Variants in LPP observed in about 807,000 individuals in gnomAD.
LPP encodes lipoma-preferred partner.
A neutral mutation model predicts 60.4 loss-of-function variants in LPP; 38 were observed. The ratio of observed to expected loss-of-function variants is 0.63; its 90% CI spans 0.49 to 0.83. The LOEUF is 0.83. Ranked by LOEUF, LPP falls within the 40% of genes least tolerant of loss-of-function variation. The pLI is 0.00. For synonymous variants in LPP, 328 were observed against 290.8 expected, an observed-to-expected ratio of 1.13 and a Z score of -1.30; for missense variants, 902 against 783.6, an observed-to-expected ratio of 1.15 and a Z score of -1.80.
chr3:188,440,796 A>G (rs746924332), intron 4 of LPP, among the ~76,000 whole-genome samples: 4 of 152,200 alleles, frequency 2.6e-5, no homozygotes, highest in Non-Finnish European at 5.9e-5. Context: ...GTCAGGCAGA[A>G]TGACCTTTAC....
intron 5 of LPP, among the ~76,000 whole-genome samples, chr3:188,487,759 T>C (rs1229051429): frequency 6.6e-6 from 1 of 152,128 alleles, no homozygotes; most frequent in Non-Finnish European, 1.5e-5. Context: ...TGGAGAAAAT[T>C]CTGCGCAGTT....
chr3:188,309,715 T>A (rs1307645808), intron 2 of LPP, among the ~76,000 whole-genome samples: 2 of 152,118 alleles, frequency 1.3e-5, no homozygotes, highest in African/African-American at 4.8e-5. Context: ...TCATGAAAAG[T>A]GTCATGAGTG....
At chr3:188,495,184 A>ATT (rs1485747041) in intron 5 of LPP, among the ~76,000 whole-genome samples, 1 of 5,820 alleles carries the variant, frequency 1.7e-4, no homozygotes. Flanking sequence ...ATAAATATAT[A>ATT]ATATATATAT....
At chr3:188,768,919 T>A (rs1344657129) in intron 9 of LPP, among the ~76,000 whole-genome samples, 2 of 152,176 alleles carry the variant, frequency 1.3e-5, no homozygotes, top group Non-Finnish European at 2.9e-5. Flanking sequence ...GGGAGACTTT[T>A]CCACTCAACA....
intron 2 of LPP, among the ~76,000 whole-genome samples, chr3:188,301,435 A>G (rs976257197): frequency 1.3e-5 from 2 of 152,196 alleles, no homozygotes; most frequent in African/African-American, 4.8e-5. Context: ...CTGTGATGCT[A>G]ATCAGGATGT....
At chr3:188,389,597 G>A (rs966177403) in intron 3 of LPP, among the ~76,000 whole-genome samples, 23 of 151,988 alleles carry the variant, frequency 1.5e-4, no homozygotes, top group African/African-American at 4.8e-4. Flanking sequence ...CCAATGTGGC[G>A]AAACGCCATC....
chr3:188,153,709 C>T (rs1715156609), upstream of LPP: 1 of 152,378 alleles, frequency 6.6e-6, no homozygotes, highest in Admixed American at 6.5e-5. Context: ...GGTTTCCCCT[C>T]CCCCGCCAGG....
intron 9 of LPP, among the ~76,000 whole-genome samples, chr3:188,819,120 G>T (rs961211766): frequency 1.2e-4 from 18 of 151,246 alleles, no homozygotes; most frequent in Non-Finnish European, 2.7e-4. Flanking sequence ...TATTTGATTA[G>T]TCAGGTCTTA....
intron 7 of LPP, among the ~76,000 whole-genome samples, chr3:188,612,649 C>T (rs567029540): frequency 6.4e-4 from 98 of 152,252 alleles, no homozygotes; most frequent in Non-Finnish European, 8.8e-4. Flanking sequence ...GCTTTCCACT[C>T]GCTTTCATTT....
intron 5 of LPP, among the ~76,000 whole-genome samples, chr3:188,487,770 T>G (rs1807015187): frequency 6.6e-6 from 1 of 152,176 alleles, no homozygotes; most frequent in Non-Finnish European, 1.5e-5. Flanking sequence ...CTGCGCAGTT[T>G]CCTCTCGGCT....
intron 4 of LPP, among the ~76,000 whole-genome samples, chr3:188,437,170 T>A (rs533449579): frequency 6.6e-6 from 1 of 152,226 alleles, no homozygotes; most frequent in African/African-American, 2.4e-5. Context: ...CTTTCCTAAA[T>A]AACACTTGAT....
intron 6 of LPP, among the ~76,000 whole-genome samples, chr3:188,582,497 T>C (rs1445257431): frequency 1.3e-5 from 2 of 151,964 alleles, no homozygotes; most frequent in Non-Finnish European, 2.9e-5. Context: ...GTTGTTTTCC[T>C]TTGGTGGGGC....
chr3:188,309,527 G>A (rs1752714018), intron 2 of LPP, among the ~76,000 whole-genome samples: 1 of 152,194 alleles, frequency 6.6e-6, no homozygotes, highest in Non-Finnish European at 1.5e-5. Context: ...AACAAAGGTT[G>A]AGAGGTCCTT....
chr3:188,592,551 G>GTTTTTTT (rs1553936326), intron 6 of LPP, among the ~76,000 whole-genome samples: 2,554 of 97,010 alleles, frequency 0.026, 109 homozygotes, highest in South Asian at 0.053. Flanking sequence ...TTTTAGTTTT[G>GTTTTTTT]TTTTTGTTTT....
Position 188,825,269 on chromosome 3 carries a change from C to CTGTG in LPP, c.1411-40887_1411-40884dup, listed in dbSNP as rs3057956. On this transcript the variant is annotated intron_variant, in intron 9 of 11. Transcript: ENST00000617246. The stretch of plus-strand genomic sequence containing the variant: ...TCTTTCTCTCTCTCTCTCTCTCTCT[C>CTGTG]TGTGTGTGTGTGTGTGTGTGTGTGT... Among the ~76,000 whole-genome samples the CTGTG allele has an allele frequency of 9.9e-3, 1,006 of 101,742 alleles. 19 individuals carry two copies. Among genetic ancestry groups the CTGTG allele is most frequent in the Middle Eastern group, 0.016 (3 of 182 alleles). 66.7% of individuals were successfully genotyped at this position (101,742 alleles called of 152,430 possible).
At chr3:188,825,636 A>T (rs1755267778) in intron 9 of LPP, among the ~76,000 whole-genome samples, 1 of 151,592 alleles carries the variant, frequency 6.6e-6, no homozygotes, top group Admixed American at 6.6e-5. Flanking sequence ...GCACCTCGAA[A>T]ACTCCCCTCC....
intron 8 of LPP, among the ~76,000 whole-genome samples, chr3:188,727,417 T>C (rs1465615424): frequency 6.6e-6 from 1 of 152,316 alleles, no homozygotes; most frequent in South Asian, 2.1e-4. Flanking sequence ...GGGTAAGATA[T>C]TCTGTGTTTT....
intron 2 of LPP, among the ~76,000 whole-genome samples, chr3:188,250,736 TTCTTTC>T (rs1271556027): frequency 2.4e-5 from 2 of 81,714 alleles, no homozygotes; most frequent in South Asian, 4.7e-4. Context: ...CTTTCTTTCT[TTCTTTC>T]TTTCTTTCTT....
chr3:188,351,573 A>G lies in LPP; in HGVS notation c.-10+9854A>G, dbSNP rs77807496. 1.0e-2 allele frequency among the ~76,000 whole-genome samples: 1,523 copies of G among 152,314 alleles called. 38 individuals carry two copies. The highest frequency in any genetic ancestry group is 0.035 in the African/African-American group (1,452 of 41,574). On this transcript the variant is annotated intron_variant, in intron 3 of 11. Transcript: ENST00000617246. ...ATTCATTGTATGTCTGTTATGTGAC[A>G]GGCCTTGTGACAGGTGTTTTCACAT... is the stretch of plus-strand genomic sequence containing the variant.
Sources: allele counts gnomAD v4.1 joint callset (sites outside exome capture counted in the v4.1 genomes callset), GRCh38; gene constraint gnomAD v4.1.1; transcripts MANE v1.5; gene names NCBI Gene and HGNC (gene_info 2026-07-23, HGNC 2026-07-21).